The following IL16 variants were observed in gnomAD, a reference collection of about 807,000 sequenced individuals.
IL16 encodes the protein pro-interleukin-16.
IL16 carries 67 observed loss-of-function variants against 110.1 expected under a neutral mutation model. The ratio of observed to expected loss-of-function variants is 0.61; its 90% confidence interval spans 0.50 to 0.75. The LOEUF (loss-of-function observed/expected upper bound fraction) is 0.75. Ranked by LOEUF, IL16 falls within the 30% of genes least tolerant of loss-of-function variation. The pLI is 0.00. For missense variants in IL16, 1,545 were observed against 1,655.0 expected, an observed-to-expected ratio of 0.93 and a Z score of 1.15; for synonymous variants, 689 against 662.9, an observed-to-expected ratio of 1.04 and a Z score of -0.61.
chr15:81,306,523 C>T lies in IL16; in HGVS notation c.3783C>T (p.Leu1261=), dbSNP rs561325259. ...GKGSLHGDKP[L]TINRIFKGAA... is the part of the protein sequence containing the mutation. Reference sequence around the variant, plus strand: ...GCTCCCTACACGGAGACAAGCCTCTCACCATTAACAGGATTTTCAAAGGTG... The same window carrying T: ...GCTCCCTACACGGAGACAAGCCTCTTACCATTAACAGGATTTTCAAAGGTG... The change falls in exon 18 of 19, where the codon CTC becomes CTT. Residue 1261 remains leucine, a synonymous_variant. Coordinates refer to ENST00000683961, the MANE Select transcript of IL16 (RefSeq NM_172217.5). The T allele has an allele frequency of 6.2e-6, 10 of 1,613,552 alleles. No homozygotes were observed. In the African/African-American group the frequency reaches 8.0e-5, roughly 13 times the overall value.
At chr15:81,245,404 C>T (rs2142118070) in intron 2 of IL16, among the ~76,000 whole-genome samples, 1 of 152,234 alleles carries the variant, frequency 6.6e-6, no homozygotes, top group South Asian at 2.1e-4. Flanking sequence ...TGAGGGACTT[C>T]TCATTAATGT....
intron 1 of IL16, among the ~76,000 whole-genome samples, chr15:81,222,034 T>G (rs146135768): frequency 1.5e-3 from 224 of 152,350 alleles, no homozygotes; most frequent in Middle Eastern, 6.8e-3. Context: ...AATGTTTTTT[T>G]GTCCTGGAAA....
chr15:81,307,881 G>C (rs7166985), intron 18 of IL16, among the ~76,000 whole-genome samples: 1 of 152,150 alleles, frequency 6.6e-6, no homozygotes, highest in Non-Finnish European at 1.5e-5. Context: ...TAGGATTACT[G>C]TCATAAATGC....
At chr15:81,238,261 T>C (rs1897239685) in intron 2 of IL16, among the ~76,000 whole-genome samples, 3 of 152,244 alleles carry the variant, frequency 2.0e-5, no homozygotes, top group African/African-American at 7.2e-5. Context: ...ATAACTTGTA[T>C]GTTAGAACTT....
At chr15:81,227,454 G>A (rs1408153592) in intron 2 of IL16, among the ~76,000 whole-genome samples, 2 of 152,120 alleles carry the variant, frequency 1.3e-5, no homozygotes, top group Admixed American at 6.5e-5. Context: ...ACCTGGGGAA[G>A]GGCATTGCAG....
intron 12 of IL16, among the ~76,000 whole-genome samples, chr15:81,294,018 C>G (rs1899868867): frequency 6.6e-6 from 1 of 152,208 alleles, no homozygotes; most frequent in Non-Finnish European, 1.5e-5. Flanking sequence ...TCCCCCATCA[C>G]GGAATGGCCC....
intron 6 of IL16, among the ~76,000 whole-genome samples, 167 bp downstream of exon 6, chr15:81,273,371 G>A (rs1350675112): frequency 6.6e-6 from 1 of 152,168 alleles, no homozygotes; most frequent in Non-Finnish European, 1.5e-5. Context: ...GCTCCCCCGA[G>A]GGGGTCTTCA....
intron 2 of IL16, among the ~76,000 whole-genome samples, chr15:81,231,324 G>GTCCCTCTCTCTC: frequency 2.1e-5 from 1 of 47,146 alleles, no homozygotes; most frequent in Non-Finnish European, 4.2e-5. Flanking sequence ...AGGTCGGTCT[G>GTCCCTCTCTCTC]TCTCTCTCTC....
rs551140289 is a variant in IL16, at chr15:81,261,801, G to GCTT, written c.421+1924_421+1926dup. Among the ~76,000 whole-genome samples the GCTT allele has an allele frequency of 7.9e-5, 12 of 152,284 alleles. No individual in the cohort carries two copies. The East Asian group carries it at 2.1e-3, about 27-fold the overall frequency. Reference sequence around the variant, plus strand: ...AAAAGTACCTAGGCTGGCTGCCACAGCTTCTGCCTGTCATTCTAGCCCTTT... The same window carrying GCTT: ...AAAAGTACCTAGGCTGGCTGCCACAGCTTCTTCTGCCTGTCATTCTAGCCCTTT... On this transcript the variant is annotated intron_variant, in intron 3 of 18. Coordinates refer to ENST00000683961, the MANE Select transcript of IL16 (RefSeq NM_172217.5).
At chr15:81,219,629 A>G (rs1896549225) in intron 1 of IL16, among the ~76,000 whole-genome samples, 1 of 152,212 alleles carries the variant, frequency 6.6e-6, no homozygotes, top group South Asian at 2.1e-4. Context: ...CTTCTCCAGG[A>G]TCTTAAGGAC....
rs57763246 is a variant in IL16, at chr15:81,303,486, C to T, written c.3319-63C>T. The stretch of plus-strand genomic sequence containing the variant: ...ATAACAAATCAGTCTGATGTCAGTC[C>T]GATGTTAAATTGTTCATCCTCTTGC... On this transcript the variant is annotated intron_variant, in intron 15 of 18. Coordinates refer to ENST00000683961, the MANE Select transcript of IL16 (RefSeq NM_172217.5). The surrounding 1 kb of genome is among the most constrained non-coding windows in gnomAD (Gnocchi z 4.1). 0.091 allele frequency: 101,134 copies of T among 1,115,974 alleles called. 5,367 individuals are homozygous for T. The highest frequency in any genetic ancestry group is 0.18 in the East Asian group (7,617 of 42,114). The allele number at this position is 1,115,974 out of a possible 1,614,324, so 69.1% of individuals were successfully genotyped here. A position where few individuals can be genotyped will look rare whatever the true frequency, so the allele number is the denominator to read the frequency against.
rs141739792 is a variant in IL16 at position 81,274,859 on chromosome 15, C to T, written c.790+1655C>T. Among the ~76,000 whole-genome samples the T allele has an allele frequency of 1.7e-3, 256 of 152,246 alleles. 3 individuals carry two copies. Among genetic ancestry groups the T allele is most frequent in the African/African-American group, 5.8e-3 (241 of 41,540 alleles). The stretch of plus-strand genomic sequence containing the variant: ...ACAGATTTTAGGGTGTGGGCAATGG[C>T]GAGCCTTTGAAGGTTTTTATACTAT... On this transcript the variant is annotated intron_variant, in intron 6 of 18. Coordinates refer to ENST00000683961, the MANE Select transcript of IL16 (RefSeq NM_172217.5).
chr15:81,273,020 C>A, intron 5 of IL16, 70 bp from the exon 6 acceptor site: 1 of 1,257,540 alleles, frequency 8.0e-7, no homozygotes, highest in Non-Finnish European at 1.2e-6. Flanking sequence ...GGCAGGCCCT[C>A]AGAAGGCATC....
rs1900207591 is a variant in IL16, at chr15:81,300,223, G to A, written c.2897G>A (p.Ser966Asn). The change falls in exon 14 of 19, where the codon AGC becomes AAC. Residue 966 changes from serine to asparagine, a missense_variant. Physicochemically the swap from Ser to Asn is conservative, Grantham distance 46 (BLOSUM62 1). Coordinates refer to ENST00000683961, the MANE Select transcript of IL16 (RefSeq NM_172217.5). ...AAGATGCCTAGCCAGCGAGCACGGAGCTTCCCCCTGACCAGGTCCCAGTCC... is the reference window on the plus strand; with the variant it reads ...AAGATGCCTAGCCAGCGAGCACGGAACTTCCCCCTGACCAGGTCCCAGTCC... The part of the protein sequence containing the change: ...VLKMPSQRAR[S>N]FPLTRSQSCE... 5 of 1,614,234 alleles carry A rather than the reference G, an allele frequency of 3.1e-6. No individual in the cohort carries two copies. The highest frequency in any genetic ancestry group is 1.6e-4 in the Middle Eastern group (1 of 6,062).
intron 6 of IL16, among the ~76,000 whole-genome samples, chr15:81,276,601 G>T (rs1046420048): frequency 6.6e-6 from 1 of 152,180 alleles, no homozygotes; most frequent in African/African-American, 2.4e-5. Context: ...TCCTCAGTTG[G>T]CCAAAAACAT....
chr15:81,207,889 A>G (rs561289145), intron 1 of IL16, among the ~76,000 whole-genome samples: 1 of 150,154 alleles, frequency 6.7e-6, no homozygotes, highest in Non-Finnish European at 1.5e-5. Flanking sequence ...TTGGGTATAT[A>G]TGCAGTAATG....
At chr15:81,283,401 T>C (rs966712537) in intron 9 of IL16, among the ~76,000 whole-genome samples, 1 of 151,532 alleles carries the variant, frequency 6.6e-6, no homozygotes, top group East Asian at 1.9e-4. Context: ...GATCTGGGCA[T>C]AGCTCAGAGC....
At chr15:81,265,571 G>A (rs1898339143) in intron 3 of IL16, 88 bp from the exon 4 acceptor site, 1 of 1,441,982 alleles carries the variant, frequency 6.9e-7, no homozygotes, top group African/African-American at 1.4e-5. Flanking sequence ...CTGGCCCCTG[G>A]CTAATGAGGG....
At chr15:81,245,061 T>A (rs1221556395) in intron 2 of IL16, among the ~76,000 whole-genome samples, 1 of 152,208 alleles carries the variant, frequency 6.6e-6, no homozygotes, top group Non-Finnish European at 1.5e-5. Context: ...GTTTTGAGCA[T>A]GTTTGCAATT....
Sources: gnomAD v4.1 joint callset for allele counts (sites outside exome capture counted in the v4.1 genomes callset) on GRCh38, gnomAD v4.1.1 for gene constraint, Gnocchi (gnomAD v3.1) non-coding constraint, MANE v1.5 for transcripts, NCBI Gene and HGNC (gene_info 2026-07-23, HGNC 2026-07-21) for gene names.